RACGAP1: variants seen among roughly 807,000 people sequenced by gnomAD.
RACGAP1 encodes rac GTPase-activating protein 1.
Under a neutral mutation model 78.1 loss-of-function variants are expected in RACGAP1, and 30 were observed. That is an observed-to-expected ratio of 0.38 (90% CI 0.29 to 0.52). RACGAP1 has a LOEUF of 0.52. Among genes scored for constraint, RACGAP1 ranks in the 20% least tolerant of loss-of-function variants. The probability of loss-of-function intolerance (pLI) is 0.82; values close to 1 mark genes in which losing one functional copy is unlikely to be tolerated. For missense variants in RACGAP1, 587 were observed against 777.1 expected, an observed-to-expected ratio of 0.76 and a Z score of 2.91; for synonymous variants, 231 against 264.8, an observed-to-expected ratio of 0.87 and a Z score of 1.24.
At chr12:49,998,257 G>A (rs182658978) in intron 9 of RACGAP1, among the ~76,000 whole-genome samples, 1 of 151,918 alleles carries the variant, frequency 6.6e-6, no homozygotes, top group Admixed American at 6.6e-5. Flanking sequence ...ACAAAAAATT[G>A]GCCGGGCATG....
rs760047597 is a variant in RACGAP1 at position 50,016,664 on chromosome 12, G to T, written c.52C>A (p.Arg18=). 6.2e-6 allele frequency: 10 copies of T among 1,613,926 alleles called. 1 individual carries two copies. In the East Asian group the frequency reaches 2.2e-4, roughly 36 times the overall value. Residue 18 remains arginine, a synonymous_variant, in exon 2 of 17, where the codon CGG becomes AGG. Transcript: ENST00000312377. Reference sequence around the variant, plus strand: ...TTTCCTTCACTGAGAATCTCCACCCGGCGCACAAGCTGCTCAAACAGATTC... The same window carrying T: ...TTTCCTTCACTGAGAATCTCCACCCTGCGCACAAGCTGCTCAAACAGATTC... The part of the protein sequence containing the change: ...VRNLFEQLVR[R]VEILSEGNEV...
At chr12:50,014,242 G>C (rs1403525630) in intron 2 of RACGAP1, among the ~76,000 whole-genome samples, 1 of 152,202 alleles carries the variant, frequency 6.6e-6, no homozygotes, top group Non-Finnish European at 1.5e-5. Flanking sequence ...ATGAAAATCT[G>C]AAATAGGACA....
intron 2 of RACGAP1, among the ~76,000 whole-genome samples, chr12:50,008,219 A>G (rs562513623): frequency 4.9e-5 from 7 of 143,812 alleles, no homozygotes; most frequent in African/African-American, 1.6e-4. Flanking sequence ...TTTTTTTGAG[A>G]CAGAGTTTCA....
At position 50,006,475 on chromosome 12, in the gene RACGAP1, T is replaced by C. The variant is rs1948982234; in HGVS notation, c.247A>G (p.Ile83Val). 6.2e-7 allele frequency: 1 copy of C among 1,614,082 alleles called. No homozygotes were observed. Among genetic ancestry groups the C allele is most frequent in the African/African-American group, 1.3e-5 (1 of 74,932 alleles). ...GCCTCAGCTCTCTGTCTCCGTTTGA[T>C]CTCTACATCCACCTGATTACGTGCA... is the stretch of plus-strand genomic sequence containing the variant. ...KHARNQVDVE[I>V]KRRQRAEADC... Residue 83 changes from isoleucine to valine, a missense_variant, in exon 3 of 17, where the codon ATC (isoleucine) becomes GTC (valine). By Grantham distance (29) the Ile-to-Val change is conservative. Transcript: ENST00000312377.
intron 2 of RACGAP1, among the ~76,000 whole-genome samples, chr12:50,007,957 C>T (rs540975171): frequency 6.7e-6 from 1 of 148,620 alleles, no homozygotes; most frequent in East Asian, 2.0e-4. Flanking sequence ...AACTAAATAC[C>T]GTATGCATAC....
chr12:50,013,051 G>A (rs532385262), intron 2 of RACGAP1, among the ~76,000 whole-genome samples: 13 of 151,154 alleles, frequency 8.6e-5, no homozygotes, highest in Non-Finnish European at 1.9e-4. Flanking sequence ...CAACAAGAGT[G>A]AAACTCTTGT....
chr12:49,999,141 C>T lies in RACGAP1; in HGVS notation c.879G>A (p.Thr293=). The stretch of plus-strand genomic sequence containing the variant: ...ACACAAACAACAATCACAGATTTAC[C>T]GTCTTAGAAACAAAGTCATGCAGGC... The part of the protein sequence containing the change: ...GMRLHDFVSK[T]VIKPESCVPC... The change falls in exon 9 of 17, where the codon ACG becomes ACA. Residue 293 remains threonine (T), a splice_region_variant and synonymous_variant. Coordinates refer to ENST00000312377, the MANE Select transcript of RACGAP1 (RefSeq NM_001319999.2). The T allele has an allele frequency of 2.5e-6, 4 of 1,581,080 alleles. No individual in the cohort carries two copies. The highest frequency in any genetic ancestry group is 2.2e-5 in the East Asian group (1 of 44,490).
intron 6 of RACGAP1, 76 bp downstream of exon 6, chr12:50,002,171 A>C (rs1948722966): frequency 1.7e-6 from 2 of 1,173,484 alleles, no homozygotes; most frequent in Non-Finnish European, 2.5e-6. Flanking sequence ...ACAGGAATGC[A>C]GTATCATGGC....
At chr12:50,008,958 T>G (rs184000570) in intron 2 of RACGAP1, among the ~76,000 whole-genome samples, 73 of 152,254 alleles carry the variant, frequency 4.8e-4, no homozygotes, top group African/African-American at 1.6e-3. Context: ...GGTACCAGCC[T>G]GCCATGAAGT....
chr12:49,989,362 G>A lies in RACGAP1; in HGVS notation c.*906C>T, dbSNP rs1947694205. 1 of 152,030 alleles carries A rather than the reference G, an allele frequency of 6.6e-6. No individual in the cohort carries two copies. Among genetic ancestry groups the A allele is most frequent in the Admixed American group, 6.6e-5 (1 of 15,266 alleles). The allele number at this position is 152,030 out of a possible 1,614,324, so 9.4% of individuals were successfully genotyped here. ...TGGGAAAAATTTCAGCATCCAAAGT[G>A]CAAAGAAAAAATGACTGTAGCTTTT... On this transcript the variant is annotated 3_prime_UTR_variant, in exon 17 of 17. Coordinates refer to ENST00000312377, the MANE Select transcript of RACGAP1 (RefSeq NM_001319999.2).
At chr12:50,014,129 ACCAC>A in intron 2 of RACGAP1, among the ~76,000 whole-genome samples, 2 of 152,232 alleles carry the variant, frequency 1.3e-5, no homozygotes, top group African/African-American at 4.8e-5. Context: ...TAAGCAAGAT[ACCAC>A]AAGTAAGTAC....
chr12:50,025,691 C>A, upstream of RACGAP1: 1 of 286,250 alleles, frequency 3.5e-6, no homozygotes, highest in Non-Finnish European at 5.2e-6. Flanking sequence ...GGTGCCCTTT[C>A]CGGAAGTCAT....
At chr12:50,019,232 T>G (rs672697) in intron 1 of RACGAP1, among the ~76,000 whole-genome samples, 150,146 of 152,168 alleles carry the variant, frequency 0.99, 74,113 homozygotes, top group Middle Eastern at 1. Context: ...TGCACTCCCT[T>G]CCTCCAGTCC....
At chr12:50,033,000 C>G (rs1055573415) in exon 1 of RACGAP1, 1 of 151,978 alleles carries the variant, frequency 6.6e-6, no homozygotes, top group East Asian at 1.9e-4. Context: ...GATCCGATGT[C>G]CCGACAGGCG....
rs1278994718 is a variant in RACGAP1, at chr12:49,995,027, A to G, written c.1045-518T>C. Among the ~76,000 whole-genome samples, 15 of 152,312 alleles carry G rather than the reference A, an allele frequency of 9.8e-5. No homozygotes were observed. The East Asian group carries it at 2.1e-3, about 22-fold the overall frequency. ...CTGTAGGGGAGAACTCCATGGTTCT[A>G]TATTAGAGTACAGAACATGTGTAAA... On this transcript the variant is annotated intron_variant, in intron 10 of 16. Coordinates refer to ENST00000312377, the MANE Select transcript of RACGAP1 (RefSeq NM_001319999.2).
At chr12:50,027,656 T>C (rs947633656), upstream of RACGAP1, among the ~76,000 whole-genome samples, 6 of 152,004 alleles carry the variant, frequency 3.9e-5, no homozygotes, top group Non-Finnish European at 7.4e-5. Flanking sequence ...TGAAACCGCA[T>C]CTCTACTAAA....
intron 1 of RACGAP1, among the ~76,000 whole-genome samples, chr12:50,018,767 GTTGTT>G (rs1949824997): frequency 6.6e-6 from 1 of 151,542 alleles, no homozygotes; most frequent in Non-Finnish European, 1.5e-5. Flanking sequence ...TTGAAAACTG[GTTGTT>G]TAAAAAAAAG....
rs545248869 is a variant in RACGAP1 at position 50,011,772 on chromosome 12, G to A, written c.85+4859C>T. Among the ~76,000 whole-genome samples the A allele has an allele frequency of 2.9e-4, 44 of 151,938 alleles. No individual in the cohort carries two copies. In the East Asian group the frequency reaches 5.4e-3, roughly 19 times the overall value. On this transcript the variant is annotated intron_variant, in intron 2 of 16. Transcript: ENST00000312377. ...AGATCGAGACCATCCTGACTAACAC[G>A]GTGAAACCCCGTCTCTACTAAAAAT...
upstream of RACGAP1, among the ~76,000 whole-genome samples, chr12:50,029,585 T>C (rs1163449354): frequency 2.0e-5 from 3 of 147,262 alleles, no homozygotes; most frequent in Non-Finnish European, 4.5e-5. Context: ...AAAAATAAAA[T>C]TTAATTTAAT....
Sources: gnomAD v4.1 joint callset for allele counts (sites outside exome capture counted in the v4.1 genomes callset) on GRCh38, gnomAD v4.1.1 for gene constraint, MANE v1.5 for transcripts, NCBI Gene and HGNC (gene_info 2026-07-23, HGNC 2026-07-21) for gene names.